Variants in RABGEF1 observed in about 807,000 individuals in gnomAD.
RABGEF1 encodes the protein RAB guanine nucleotide exchange factor 1.
In RABGEF1, 26 loss-of-function variants were observed where a neutral mutation model predicts 57.3. The ratio of observed to expected loss-of-function variants is 0.45; its 90% CI spans 0.33 to 0.63. The LOEUF (loss-of-function observed/expected upper bound fraction) is 0.63, where lower values mean the gene tolerates loss of function less well. Among genes scored for constraint, RABGEF1 ranks in the 20% least tolerant of loss-of-function variants. The pLI, the probability that RABGEF1 is intolerant of heterozygous loss-of-function variation, is 0.02. For synonymous variants in RABGEF1, 185 were observed against 210.7 expected, an observed-to-expected ratio of 0.88 and a Z score of 1.06; for missense variants, 464 against 607.6, an observed-to-expected ratio of 0.76 and a Z score of 2.48.
chr7:66,660,682 C>T, the RABGEF1 span, among the ~76,000 whole-genome samples: 1 of 152,166 alleles, frequency 6.6e-6, no homozygotes, highest in African/African-American at 2.4e-5. Flanking sequence ...CATTAAATTA[C>T]TAATTAAAAT....
At chr7:66,790,370 T>C (rs1250830218) in intron 4 of RABGEF1, among the ~76,000 whole-genome samples, 1 of 152,204 alleles carries the variant, frequency 6.6e-6, no homozygotes, top group African/African-American at 2.4e-5. Context: ...ACAGGCAATG[T>C]GCCAGTGTTG....
rs564851249 is a variant in RABGEF1, at chr7:66,686,868, C to CTA, written c.-873+4613_-873+4614dup. Reference sequence around the variant, plus strand: ...ATGGAGTCTTCCCCTGTTGCCCAGGCTATAGTGCAGTGGCGCGATCTCGGC... The same window carrying CTA: ...ATGGAGTCTTCCCCTGTTGCCCAGGCTATATAGTGCAGTGGCGCGATCTCGGC... On this transcript the variant is annotated intron_variant and NMD_transcript_variant, in intron 1 of 9. Transcript: ENST00000607882. Among the ~76,000 whole-genome samples, 166 of 151,336 alleles carry CTA rather than the reference C, an allele frequency of 1.1e-3. 2 individuals carry two copies. The highest frequency in any genetic ancestry group is 3.7e-3 in the African/African-American group (154 of 41,238).
chr7:66,700,657 C>T (rs1431987696), intron 1 of RABGEF1, among the ~76,000 whole-genome samples: 1 of 152,288 alleles, frequency 6.6e-6, no homozygotes, highest in Non-Finnish European at 1.5e-5. Context: ...GCTTTCCCTC[C>T]CTGGTCACAC....
At chr7:66,661,588 G>A in the RABGEF1 span, among the ~76,000 whole-genome samples, 5 of 151,924 alleles carry the variant, frequency 3.3e-5, no homozygotes, top group Non-Finnish European at 4.4e-5. Context: ...AAGAAAGTAG[G>A]GGTAAACCTA....
chr7:66,673,207 A>G, the RABGEF1 span, among the ~76,000 whole-genome samples: 265 of 143,674 alleles, frequency 1.8e-3, no homozygotes, highest in African/African-American at 6.3e-3. Context: ...CATCAGCAGC[A>G]GATGAAGTTG....
chr7:66,780,080 A>G (rs879339566), intron 3 of RABGEF1, among the ~76,000 whole-genome samples: 4 of 152,202 alleles, frequency 2.6e-5, no homozygotes, highest in South Asian at 2.1e-4. Flanking sequence ...GTCTTTGGAA[A>G]AGTATGTGTG....
chr7:66,774,147 T>A (rs1305782835), intron 2 of RABGEF1, among the ~76,000 whole-genome samples: 4 of 152,262 alleles, frequency 2.6e-5, no homozygotes, highest in African/African-American at 9.6e-5. Flanking sequence ...GATTTCTCTT[T>A]TATCTCCCAT....
intron 2 of RABGEF1, among the ~76,000 whole-genome samples, chr7:66,725,788 G>A (rs1408756550): frequency 1.3e-5 from 2 of 152,196 alleles, no homozygotes; most frequent in African/African-American, 4.8e-5. Flanking sequence ...AGGTCTGAGG[G>A]AAGACACAAG....
intron 1 of RABGEF1, among the ~76,000 whole-genome samples, chr7:66,705,399 T>G (rs1490303851): frequency 7.4e-6 from 1 of 135,456 alleles, no homozygotes. Context: ...ATTGCACCAC[T>G]GCACTCCAGC....
chr7:66,741,718 C>T (rs1438570853), intron 1 of RABGEF1, among the ~76,000 whole-genome samples: 1 of 152,120 alleles, frequency 6.6e-6, no homozygotes, highest in Non-Finnish European at 1.5e-5. Flanking sequence ...TTTTTTTCGA[C>T]ATGGGATCTC....
At chr7:66,682,862 C>T (rs1310801760) in intron 1 of RABGEF1, among the ~76,000 whole-genome samples, 1 of 152,190 alleles carries the variant, frequency 6.6e-6, no homozygotes, top group Non-Finnish European at 1.5e-5. Flanking sequence ...TATTTCCGAA[C>T]CGTCTGGGAG....
intron 1 of RABGEF1, among the ~76,000 whole-genome samples, chr7:66,762,455 G>T (rs1372118989): frequency 2.0e-5 from 3 of 152,084 alleles, no homozygotes; most frequent in Admixed American, 6.6e-5. Flanking sequence ...GCCAGGCATG[G>T]TGCCACATGC....
At chr7:66,675,730 T>C in the RABGEF1 span, among the ~76,000 whole-genome samples, 1 of 152,166 alleles carries the variant, frequency 6.6e-6, no homozygotes, top group East Asian at 1.9e-4. Context: ...TTCAGCAATG[T>C]AATAGGATGC....
upstream of RABGEF1, among the ~76,000 whole-genome samples, chr7:66,679,491 T>TAGAGGTGGGGTTTCACCACC (rs1221702281): frequency 2.1e-4 from 32 of 152,160 alleles, no homozygotes; most frequent in African/African-American, 7.5e-4. Context: ...GTATTTTTAG[T>TAGAGGTGGGGTTTCACCACC]AGAGGTGGGG....
At chr7:66,801,140 C>G (rs1787196275) in intron 7 of RABGEF1, among the ~76,000 whole-genome samples, 1 of 152,154 alleles carries the variant, frequency 6.6e-6, no homozygotes, top group Admixed American at 6.5e-5. Context: ...GGAAGGGGAT[C>G]AGAGAGTCCA....
intron 1 of RABGEF1, among the ~76,000 whole-genome samples, chr7:66,753,410 T>C (rs1801895048): frequency 6.6e-6 from 1 of 152,202 alleles, no homozygotes; most frequent in Non-Finnish European, 1.5e-5. Context: ...CAATTCTTAT[T>C]GGATGGTATA....
chr7:66,763,247 G>A (rs1273783498), intron 1 of RABGEF1, among the ~76,000 whole-genome samples: 1 of 152,100 alleles, frequency 6.6e-6, no homozygotes, highest in Non-Finnish European at 1.5e-5. Context: ...GACCTCAGGA[G>A]GTCAGAATTA....
At chr7:66,659,869 A>C in the RABGEF1 span, among the ~76,000 whole-genome samples, 6 of 152,176 alleles carry the variant, frequency 3.9e-5, no homozygotes, top group African/African-American at 1.4e-4. Flanking sequence ...CAAAAAGAAG[A>C]ACTAAACCCA....
At chr7:66,793,671 T>C (rs1208171491) in intron 4 of RABGEF1, among the ~76,000 whole-genome samples, 1 of 121,050 alleles carries the variant, frequency 8.3e-6, no homozygotes, top group Non-Finnish European at 1.9e-5. Flanking sequence ...ATTTGAGCAC[T>C]GCAGTGTGTG....
Sources: gnomAD v4.1 joint callset for allele counts (sites outside exome capture counted in the v4.1 genomes callset) on GRCh38, gnomAD v4.1.1 for gene constraint, MANE v1.5 for transcripts, NCBI Gene and HGNC (gene_info 2026-07-23, HGNC 2026-07-21) for gene names.